The following MAPK14 variants were observed in gnomAD, a reference collection of about 807,000 sequenced individuals.
MAPK14 encodes CSAID-binding protein.
A neutral mutation model predicts 49.6 loss-of-function variants in MAPK14; 16 were observed. The ratio of observed to expected loss-of-function variants is 0.32; its 90% confidence interval spans 0.22 to 0.49. The LOEUF (loss-of-function observed/expected upper bound fraction) is 0.49, where lower values mean the gene tolerates loss of function less well. Ranked by LOEUF, MAPK14 falls within the 20% of genes least tolerant of loss-of-function variation. MAPK14 has a pLI of 0.99. For missense variants in MAPK14, 200 were observed against 441.2 expected, an observed-to-expected ratio of 0.45 and a Z score of 4.90; for synonymous variants, 142 against 158.0, an observed-to-expected ratio of 0.90 and a Z score of 0.76.
At chr6:36,055,248 G>T (rs1300129472) in intron 2 of MAPK14, among the ~76,000 whole-genome samples, 1 of 152,246 alleles carries the variant, frequency 6.6e-6, no homozygotes, top group Non-Finnish European at 1.5e-5. Context: ...TGGGCCTAGA[G>T]ATCTGTACAT....
chr6:36,122,889 T>C, the MAPK14 span, among the ~76,000 whole-genome samples: 1 of 152,094 alleles, frequency 6.6e-6, no homozygotes, highest in African/African-American at 2.4e-5. Context: ...CTCCCAGAAC[T>C]CAGCTACCTC....
At chr6:36,072,836 G>C in intron 3 of MAPK14, 37 bp from the exon 4 acceptor site, 1 of 1,127,062 alleles carries the variant, frequency 8.9e-7, no homozygotes, top group Non-Finnish European at 1.3e-6. Flanking sequence ...TTTCTTAGGG[G>C]TTCTAGATTG....
At chr6:36,119,748 T>G in the MAPK14 span, among the ~76,000 whole-genome samples, 1 of 151,900 alleles carries the variant, frequency 6.6e-6, no homozygotes, top group Non-Finnish European at 1.5e-5. Context: ...CTGCTGAACA[T>G]TTTGCGACGC....
chr6:36,109,143 C>T lies in MAPK14; in HGVS notation c.*696C>T, dbSNP rs1469401443. 2 of 152,872 alleles carry T rather than the reference C, an allele frequency of 1.3e-5. No homozygotes were observed. Among genetic ancestry groups the T allele is most frequent in the Admixed American group, 6.5e-5 (1 of 15,298 alleles). 9.5% of individuals were successfully genotyped at this position (152,872 alleles called of 1,614,324 possible). ...GCAAGTCGAGAGGGCTGTTGGACAG[C>T]TGCTTGTGGGCCCGGAGTAATCAGG... On this transcript the variant is annotated 3_prime_UTR_variant, in exon 12 of 12. Coordinates refer to ENST00000229794, the MANE Select transcript of MAPK14 (RefSeq NM_139012.3).
chr6:36,028,313 GC>G lies in MAPK14; in HGVS notation c.116+44del. 1 of 1,454,442 alleles carries G rather than the reference GC, an allele frequency of 6.9e-7. No individual in the cohort carries two copies. The highest frequency in any genetic ancestry group is 9.6e-7 in the Non-Finnish European group (1 of 1,037,534). 90.1% of individuals were successfully genotyped at this position (1,454,442 alleles called of 1,614,324 possible). A position where few individuals can be genotyped will look rare whatever the true frequency, so the allele number is the denominator to read the frequency against. ...GCCTGGGGCCGCTGTGGGCAGGGTG[GC>G]CCCTCGCGCCCGAGGGCCAGGCCTG... On this transcript the variant is annotated intron_variant, in intron 1 of 11. Coordinates refer to ENST00000229794, the MANE Select transcript of MAPK14 (RefSeq NM_139012.3). The surrounding 1 kb of genome is among the most constrained non-coding windows in gnomAD (Gnocchi z 5.1).
intron 3 of MAPK14, among the ~76,000 whole-genome samples, chr6:36,064,090 G>A (rs1179175571): frequency 6.6e-6 from 1 of 151,222 alleles, no homozygotes; most frequent in Non-Finnish European, 1.5e-5. Flanking sequence ...GTGTGTGTGT[G>A]TGTTTGTTTT....
chr6:36,054,386 G>A (rs1435889066), intron 2 of MAPK14, among the ~76,000 whole-genome samples: 1 of 152,184 alleles, frequency 6.6e-6, no homozygotes, highest in African/African-American at 2.4e-5. Flanking sequence ...TACACTGATT[G>A]TTTTGCTTTT....
At chr6:36,049,157 AG>A (rs1158492659) in intron 1 of MAPK14, among the ~76,000 whole-genome samples, 2 of 152,180 alleles carry the variant, frequency 1.3e-5, no homozygotes, top group Non-Finnish European at 2.9e-5. Context: ...CCTTGAGAAG[AG>A]CAGTTTCAGT....
At chr6:36,071,676 A>G (rs1309351342) in intron 3 of MAPK14, among the ~76,000 whole-genome samples, 1 of 152,202 alleles carries the variant, frequency 6.6e-6, no homozygotes, top group African/African-American at 2.4e-5. Flanking sequence ...AAATACTCCT[A>G]TTTTAGAACC....
Position 36,109,887 on chromosome 6 carries a change from A to G in MAPK14, c.*1440A>G, listed in dbSNP as rs199743248. ...GGTGTCTTTTCCACTCCTATGGAAA[A>G]GGGTCTTCTTGGCAGCTTAACATTG... On this transcript the variant is annotated 3_prime_UTR_variant, in exon 12 of 12. Transcript: ENST00000229794. 1.3e-5 allele frequency: 2 copies of G among 152,668 alleles called. No individual in the cohort carries two copies. Among genetic ancestry groups the G allele is most frequent in the South Asian group, 4.1e-4 (2 of 4,836 alleles). The allele number at this position is 152,668 out of a possible 1,614,324, so 9.5% of individuals were successfully genotyped here.
At chr6:36,104,619 C>T (rs1161729130) in intron 10 of MAPK14, among the ~76,000 whole-genome samples, 3 of 152,194 alleles carry the variant, frequency 2.0e-5, no homozygotes, top group Admixed American at 1.3e-4. Context: ...GATCTCCTGA[C>T]CTCGTGACCT....
downstream of MAPK14, among the ~76,000 whole-genome samples, chr6:36,114,117 A>G (rs973047321): frequency 3.3e-5 from 5 of 152,212 alleles, no homozygotes; most frequent in African/African-American, 9.6e-5. Context: ...CTACCCACTA[A>G]TGCCAGTAGC....
At chr6:36,042,278 G>A (rs1762990749) in intron 1 of MAPK14, among the ~76,000 whole-genome samples, 1 of 152,108 alleles carries the variant, frequency 6.6e-6, no homozygotes, top group African/African-American at 2.4e-5. Context: ...AGTTTCTTGA[G>A]TTGTGAACTG....
intron 1 of MAPK14, among the ~76,000 whole-genome samples, chr6:36,042,871 T>C (rs1227159505): frequency 6.6e-6 from 1 of 151,412 alleles, no homozygotes; most frequent in African/African-American, 2.4e-5. Context: ...CCCAGCACTT[T>C]GGCAGGCTGA....
intron 2 of MAPK14, among the ~76,000 whole-genome samples, chr6:36,058,466 AGTGG>A (rs1763670486): frequency 6.6e-6 from 1 of 152,196 alleles, no homozygotes; most frequent in Non-Finnish European, 1.5e-5. Context: ...TTAATGGTAA[AGTGG>A]GTTAATATGA....
chr6:36,108,262 G>C, intron 11 of MAPK14, 118 bp from the exon 12 acceptor site: 1 of 734,108 alleles, frequency 1.4e-6, no homozygotes, highest in Non-Finnish European at 2.5e-6. Context: ...CTGTGAGGTA[G>C]CCCATCAAAC....
At chr6:36,078,708 T>G (rs1463819608) in intron 8 of MAPK14, among the ~76,000 whole-genome samples, 1 of 152,234 alleles carries the variant, frequency 6.6e-6, no homozygotes, top group Admixed American at 6.5e-5. Context: ...TCTACTTGGC[T>G]CTTTTTCAGA....
chr6:36,097,121 C>T (rs749060832), intron 9 of MAPK14: 13 of 152,270 alleles, frequency 8.5e-5, no homozygotes, highest in African/African-American at 1.2e-4. Context: ...TAAAGAATAC[C>T]GTCATCTGGT....
chr6:36,046,895 T>C (rs1456794174), intron 1 of MAPK14, among the ~76,000 whole-genome samples: 1 of 152,226 alleles, frequency 6.6e-6, no homozygotes, highest in African/African-American at 2.4e-5. Flanking sequence ...AGAAAACTGC[T>C]GCTGTTCCTT....
Sources: gnomAD v4.1 joint callset for allele counts (sites outside exome capture counted in the v4.1 genomes callset) on GRCh38, gnomAD v4.1.1 for gene constraint, Gnocchi (gnomAD v3.1) non-coding constraint, MANE v1.5 for transcripts, NCBI Gene and HGNC (gene_info 2026-07-23, HGNC 2026-07-21) for gene names.